The following DPH6 variants were observed in gnomAD, a reference collection of about 807,000 sequenced individuals.
DPH6 encodes diphthamine biosynthesis 6.
DPH6 carries 33 observed loss-of-function variants against 38.2 expected under a neutral mutation model. The observed-to-expected ratio is 0.86, with a 90% CI of 0.65 to 1.15. The LOEUF is 1.15. DPH6 is among the 50% of genes most tolerant of loss of function. The pLI is 0.00. For missense variants in DPH6, 325 were observed against 320.0 expected (o/e 1.02, Z -0.12); for synonymous variants, 108 against 103.0 (o/e 1.05, Z -0.30).
rs138740817 is a variant in DPH6, at chr15:35,347,570, T to C, written n.208-16493A>G. Among the ~76,000 whole-genome samples the C allele has an allele frequency of 2.0e-4, 30 of 152,264 alleles. No individual in the cohort carries two copies. The East Asian group carries it at 3.3e-3, about 17-fold the overall frequency. The stretch of plus-strand genomic sequence containing the variant: ...TTAGGTTGCTTCCACATCTTGGCTA[T>C]TGTGAAAAATACTGCAATAAACTTG... On this transcript the variant is annotated intron_variant and non_coding_transcript_variant, in intron 3 of 3. Transcript: ENST00000558973.
chr15:35,438,252 A>G (rs1385053742), intron 5 of DPH6, among the ~76,000 whole-genome samples: 1 of 141,612 alleles, frequency 7.1e-6, no homozygotes, highest in Non-Finnish European at 1.5e-5. Context: ...AGGCCCTAAG[A>G]TCATTTCTTT....
At chr15:35,151,663 T>A in the DPH6 span, among the ~76,000 whole-genome samples, 94,445 of 152,046 alleles carry the variant, frequency 0.62, 29,732 homozygotes, top group Middle Eastern at 0.71. Flanking sequence ...AGTTTAAGTG[T>A]GCACCTGTCC....
chr15:35,223,037 T>C (rs1387674571), intron 3 of DPH6, among the ~76,000 whole-genome samples: 1 of 152,180 alleles, frequency 6.6e-6, no homozygotes, highest in Non-Finnish European at 1.5e-5. Context: ...TAACAAGTTA[T>C]AACAACTCTC....
chr15:35,184,081 A>T, the DPH6 span, among the ~76,000 whole-genome samples: 1 of 152,220 alleles, frequency 6.6e-6, no homozygotes, highest in Admixed American at 6.5e-5. Context: ...AATCCAATTC[A>T]TGGAGTTTCC....
chr15:35,285,340 C>T (rs911096533), intron 3 of DPH6, among the ~76,000 whole-genome samples: 1 of 152,036 alleles, frequency 6.6e-6, no homozygotes, highest in Non-Finnish European at 1.5e-5. Context: ...TGGGAGGGAC[C>T]TAGTGGGAGG....
At chr15:35,375,881 C>T (rs1044448688) in intron 7 of DPH6, among the ~76,000 whole-genome samples, 2 of 152,084 alleles carry the variant, frequency 1.3e-5, no homozygotes, top group African/African-American at 4.8e-5. Flanking sequence ...CCCACCTCTC[C>T]TCTAAAAGGA....
intron 3 of DPH6, among the ~76,000 whole-genome samples, chr15:35,523,742 T>C (rs2054958006): frequency 6.6e-6 from 1 of 152,122 alleles, no homozygotes; most frequent in Non-Finnish European, 1.5e-5. Flanking sequence ...AGACTGTAAC[T>C]ATGGATGACA....
At chr15:35,444,315 C>G (rs1004249156) in intron 5 of DPH6, among the ~76,000 whole-genome samples, 2 of 152,142 alleles carry the variant, frequency 1.3e-5, no homozygotes, top group Non-Finnish European at 2.9e-5. Flanking sequence ...AATGTCATTC[C>G]TTTATCCTTC....
At chr15:35,295,544 C>G (rs1013873081) in intron 3 of DPH6, among the ~76,000 whole-genome samples, 2 of 152,196 alleles carry the variant, frequency 1.3e-5, no homozygotes, top group Non-Finnish European at 2.9e-5. Context: ...TTCCTCCATG[C>G]CATTACTCCT....
intron 3 of DPH6, among the ~76,000 whole-genome samples, chr15:35,363,646 T>C (rs1379310840): frequency 1.3e-5 from 2 of 152,098 alleles, no homozygotes; most frequent in Admixed American, 1.3e-4. Flanking sequence ...CTTAAATATA[T>C]AATCTTACCC....
chr15:35,248,154 G>A (rs1454642852), intron 3 of DPH6, among the ~76,000 whole-genome samples: 1 of 152,144 alleles, frequency 6.6e-6, no homozygotes, highest in African/African-American at 2.4e-5. Context: ...CTCAGAAGCA[G>A]CCTAAGAAGT....
intron 7 of DPH6, among the ~76,000 whole-genome samples, chr15:35,375,490 G>A (rs1395479514): frequency 1.3e-5 from 2 of 151,972 alleles, no homozygotes; most frequent in Admixed American, 6.6e-5. Context: ...AGGAACTCTG[G>A]TCTCTGCTTC....
chr15:35,379,214 C>T (rs1010598359), intron 7 of DPH6, among the ~76,000 whole-genome samples: 2 of 152,118 alleles, frequency 1.3e-5, no homozygotes, highest in African/African-American at 2.4e-5. Flanking sequence ...CATGGCCCCT[C>T]CCTCACCTCA....
rs1230579620 is a variant in DPH6, at chr15:35,450,665, T to C, written c.505+20A>G. The C allele has an allele frequency of 1.3e-6, 2 of 1,593,040 alleles. No individual in the cohort carries two copies. The highest frequency in any genetic ancestry group is 1.7e-6 in the Non-Finnish European group (2 of 1,161,762). ...ATCTATGTGGCAACAAACAGCTCCC[T>C]TGATAGTTTGGCTGCATACCCAAAG... On this transcript the variant is annotated intron_variant, in intron 5 of 8. Transcript: ENST00000256538.
At chr15:35,337,421 C>G (rs1057178198) in intron 3 of DPH6, among the ~76,000 whole-genome samples, 3 of 152,076 alleles carry the variant, frequency 2.0e-5, no homozygotes, top group South Asian at 2.1e-4. Context: ...TGAGTGAACT[C>G]CCATTCACAA....
intron 3 of DPH6, among the ~76,000 whole-genome samples, chr15:35,338,693 A>T (rs1370624360): frequency 6.6e-6 from 1 of 152,198 alleles, no homozygotes; most frequent in African/African-American, 2.4e-5. Context: ...TATATACCCA[A>T]AGGATTATAA....
chr15:35,358,344 T>C (rs1288894835), intron 3 of DPH6, among the ~76,000 whole-genome samples: 3 of 152,238 alleles, frequency 2.0e-5, no homozygotes, highest in Non-Finnish European at 4.4e-5. Flanking sequence ...CCCTCTCTGA[T>C]TAGTTTAGTA....
chr15:35,216,833 T>C (rs2051412828), downstream of DPH6, among the ~76,000 whole-genome samples: 1 of 152,170 alleles, frequency 6.6e-6, no homozygotes, highest in African/African-American at 2.4e-5. Context: ...ACTGGGGCAA[T>C]GGCAGTGGGT....
intron 3 of DPH6, among the ~76,000 whole-genome samples, chr15:35,514,101 A>C (rs1328832308): frequency 6.6e-6 from 1 of 152,092 alleles, no homozygotes; most frequent in Non-Finnish European, 1.5e-5. Flanking sequence ...TTGCATACAT[A>C]GTAGGGACTC....
Sources: allele counts gnomAD v4.1 joint callset (sites outside exome capture counted in the v4.1 genomes callset), GRCh38; gene constraint gnomAD v4.1.1; transcripts MANE v1.5; gene names NCBI Gene and HGNC (gene_info 2026-07-23, HGNC 2026-07-21).